GABARAPL1: variants seen among roughly 807,000 people sequenced by gnomAD.
GABARAPL1 encodes GABA type A receptor associated protein like 1.
In GABARAPL1, 4 loss-of-function variants were observed where a neutral mutation model predicts 14.5. The ratio of observed to expected loss-of-function variants is 0.28; its 90% CI spans 0.14 to 0.63. The LOEUF (loss-of-function observed/expected upper bound fraction) is 0.63, where lower values mean the gene tolerates loss of function less well. Ranked by LOEUF, GABARAPL1 falls within the 30% of genes least tolerant of loss-of-function variation. The probability of loss-of-function intolerance (pLI) is 0.84; values close to 1 mark genes in which losing one functional copy is unlikely to be tolerated. For missense variants in GABARAPL1, 82 were observed against 139.2 expected (o/e 0.59, Z 2.07); for synonymous variants, 47 against 50.6 (o/e 0.93, Z 0.30).
rs968024872 is a variant in GABARAPL1, at chr12:10,222,845, C to A, written c.*993C>A. ...TACATGATGGCCAGCTGCTTCCCTC[C>A]TTGGTTATCATCCACTGCAGCTGCT... On this transcript the variant is annotated 3_prime_UTR_variant, in exon 4 of 4. Transcript: ENST00000266458. 1 of 152,482 alleles carries A rather than the reference C, an allele frequency of 6.6e-6. No homozygotes were observed. The highest frequency in any genetic ancestry group is 2.4e-5 in the African/African-American group (1 of 41,422). The allele number at this position is 152,482 out of a possible 1,614,324, so 9.4% of individuals were successfully genotyped here. A position where few individuals can be genotyped will look rare whatever the true frequency, so the allele number is the denominator to read the frequency against.
At position 10,218,066 on chromosome 12, in the gene GABARAPL1, A is replaced by G; in HGVS notation, c.94A>G (p.Ile32Val). ...RKKYPDRVPV[I>V]VEKAPKARVP... Reference sequence around the variant, plus strand: ...TACTCTCCTCCTCTTCTTCCAGGTGATTGTAGAGAAGGCTCCAAAAGCCAG... The same window carrying G: ...TACTCTCCTCCTCTTCTTCCAGGTGGTTGTAGAGAAGGCTCCAAAAGCCAG... The change falls in exon 2 of 4, where the codon ATT (isoleucine) becomes GTT (valine). Residue 32 changes from isoleucine (I) to valine (V), a missense_variant. Ile to Val is a conservative substitution (Grantham distance 29). Transcript: ENST00000266458. 1 of 1,589,034 alleles carries G rather than the reference A, an allele frequency of 6.3e-7. No homozygotes were observed. Among genetic ancestry groups the G allele is most frequent in the Non-Finnish European group, 8.6e-7 (1 of 1,157,256 alleles).
chr12:10,213,539 G>C (rs1949070422), intron 1 of GABARAPL1: 4 of 341,986 alleles, frequency 1.2e-5, no homozygotes, highest in Non-Finnish European at 5.7e-6. Flanking sequence ...GCACAAAATA[G>C]GGCCCCTGTG....
chr12:10,218,051 CTCT>C lies in GABARAPL1; in HGVS notation c.91-6_91-4del, dbSNP rs558393951. ...TGTAGTTTTCATTCCTACTCTCCTC[CTCT>C]TCTTCCAGGTGATTGTAGAGAAGGC... On this transcript the variant is annotated splice_polypyrimidine_tract_variant and intron_variant, in intron 1 of 3. Transcript: ENST00000266458. The C allele has an allele frequency of 9.4e-5, 146 of 1,551,154 alleles. No homozygotes were observed. The African/African-American group carries it at 1.5e-3, about 16-fold the overall frequency.
chr12:10,215,661 T>C (rs1949083826), intron 1 of GABARAPL1, among the ~76,000 whole-genome samples: 2 of 152,154 alleles, frequency 1.3e-5, no homozygotes. Context: ...TTTATCACTT[T>C]CTTTATCTGT....
chr12:10,219,693 G>C (rs1385643905), intron 2 of GABARAPL1, among the ~76,000 whole-genome samples: 1 of 152,082 alleles, frequency 6.6e-6, no homozygotes, highest in African/African-American at 2.4e-5. Context: ...CCAGCTACTC[G>C]GGAGGCTGAG....
At chr12:10,213,526 G>C (rs1185741359) in intron 1 of GABARAPL1, 1 of 351,722 alleles carries the variant, frequency 2.8e-6, no homozygotes, top group African/African-American at 2.2e-5. Flanking sequence ...TGTGGGTTGC[G>C]GTGCACAAAA....
intron 1 of GABARAPL1, chr12:10,213,707 A>G (rs559202270): frequency 2.8e-6 from 1 of 361,020 alleles, no homozygotes; most frequent in African/African-American, 2.1e-5. Context: ...TGGTCTTGGG[A>G]CGAAAAGGTT....
chr12:10,220,620 T>G, intron 3 of GABARAPL1, 62 bp downstream of exon 3: 1 of 1,610,816 alleles, frequency 6.2e-7, no homozygotes, highest in Non-Finnish European at 8.5e-7. Flanking sequence ...CCTCTAGCCC[T>G]TGTTCTAGAT....
At position 10,223,012 on chromosome 12, in the gene GABARAPL1, A is replaced by C. The variant is rs1480978615; in HGVS notation, c.*1160A>C. 1 of 152,616 alleles carries C rather than the reference A, an allele frequency of 6.6e-6. No homozygotes were observed. The allele number at this position is 152,616 out of a possible 1,614,324, so 9.5% of individuals were successfully genotyped here. A position where few individuals can be genotyped will look rare whatever the true frequency, so the allele number is the denominator to read the frequency against. On this transcript the variant is annotated 3_prime_UTR_variant, in exon 4 of 4. Transcript: ENST00000266458. ...ACATTTCAATTCATCTCTGCTAATG[A>C]AAAGGGTTCTTTCTCTTGGGGGAAA...
rs963496251 is a variant in GABARAPL1, at chr12:10,221,728, C to T, written c.289-59C>T. 11 of 1,581,350 alleles carry T rather than the reference C, an allele frequency of 7.0e-6. No homozygotes were observed. The African/African-American group carries it at 1.3e-4, about 19-fold the overall frequency. On this transcript the variant is annotated intron_variant, in intron 3 of 3. Transcript: ENST00000266458. Reference sequence around the variant, plus strand: ...CTTTACAAGGTTGTGTGAGGCTCAGCATCTTAGAGCTAATGAATGAATATG... The same window carrying T: ...CTTTACAAGGTTGTGTGAGGCTCAGTATCTTAGAGCTAATGAATGAATATG...
chr12:10,219,758 G>A (rs1001408792), intron 2 of GABARAPL1, among the ~76,000 whole-genome samples: 5 of 151,956 alleles, frequency 3.3e-5, no homozygotes, highest in South Asian at 2.1e-4. Context: ...CCGAGATTTC[G>A]CCATTGCGCT....
At chr12:10,220,027 C>T (rs1428240987) in intron 2 of GABARAPL1, among the ~76,000 whole-genome samples, 1 of 152,152 alleles carries the variant, frequency 6.6e-6, no homozygotes, top group African/African-American at 2.4e-5. Flanking sequence ...GACCAGAGTC[C>T]AGTGGACCCC....
intron 1 of GABARAPL1, among the ~76,000 whole-genome samples, chr12:10,215,663 T>A (rs762091195): frequency 6.6e-6 from 1 of 152,168 alleles, no homozygotes; most frequent in Non-Finnish European, 1.5e-5. Context: ...TATCACTTTC[T>A]TTATCTGTCT....
chr12:10,220,641 C>T, intron 3 of GABARAPL1, 83 bp downstream of exon 3: 2 of 1,599,544 alleles, frequency 1.3e-6, no homozygotes, highest in South Asian at 1.1e-5. Context: ...GCGTTGATAA[C>T]ACATCTGAGA....
chr12:10,217,071 T>C (rs138802300), intron 1 of GABARAPL1, among the ~76,000 whole-genome samples: 72 of 152,336 alleles, frequency 4.7e-4, no homozygotes, highest in Non-Finnish European at 8.2e-4. Context: ...AGATATTTTC[T>C]GTTTGGGAAG....
At chr12:10,213,579 T>C in intron 1 of GABARAPL1, 1 of 332,530 alleles carries the variant, frequency 3.0e-6, no homozygotes, top group South Asian at 2.3e-5. Flanking sequence ...GGGCCATGGA[T>C]TGGCTGCCTT....
chr12:10,218,107 C>A lies in GABARAPL1; in HGVS notation c.135C>A (p.Asp45Glu). The A allele has an allele frequency of 6.2e-7, 1 of 1,610,680 alleles. No individual in the cohort carries two copies. The highest frequency in any genetic ancestry group is 8.5e-7 in the Non-Finnish European group (1 of 1,176,866). The change falls in exon 2 of 4, where the codon GAC (aspartate) becomes GAA (glutamate). Residue 45 changes from aspartate to glutamate, a missense_variant. This residue lies in a region of GABARAPL1 where 65 missense variants were observed against 103.7 expected (regional missense o/e 0.63). Coordinates refer to ENST00000266458, the MANE Select transcript of GABARAPL1 (RefSeq NM_031412.4). ...CAAAAGCCAGGGTGCCTGATCTGGACAAGAGGAAGTACCTAGTGCCCTCTG... is the reference window on the plus strand; with the variant it reads ...CAAAAGCCAGGGTGCCTGATCTGGAAAAGAGGAAGTACCTAGTGCCCTCTG... ...KAPKARVPDL[D>E]KRKYLVPSDL...
rs1488559488 is a variant in GABARAPL1 at position 10,220,514 on chromosome 12, A to C, written c.244A>C (p.Asn82His). 1.9e-6 allele frequency: 3 copies of C among 1,613,964 alleles called. No homozygotes were observed. The change falls in exon 3 of 4, where the codon AAC becomes CAC. Residue 82 changes from asparagine (N) to histidine (H), a missense_variant. Asn to His is a moderately conservative substitution (Grantham distance 68). Transcript: ENST00000266458. The stretch of plus-strand genomic sequence containing the variant: ...GGACGCCTTATTCTTCTTTGTCAAC[A>C]ACACCATCCCTCCCACCAGTGCTAC... Reference protein sequence around the residue: ...PEDALFFFVNNTIPPTSATMG... With the variant: ...PEDALFFFVNHTIPPTSATMG...
At chr12:10,213,923 G>T in intron 1 of GABARAPL1, 1 of 454,324 alleles carries the variant, frequency 2.2e-6, no homozygotes, top group South Asian at 1.6e-5. Flanking sequence ...GGACTGAGAC[G>T]TTTTTTCTCC....
Sources: gnomAD v4.1 joint callset for allele counts (sites outside exome capture counted in the v4.1 genomes callset) on GRCh38, gnomAD v4.1.1 for gene constraint, gnomAD v4.1.1 regional missense constraint, MANE v1.5 for transcripts, NCBI Gene and HGNC (gene_info 2026-07-23, HGNC 2026-07-21) for gene names.